The following NXT1 variants were observed in gnomAD, a reference collection of about 807,000 sequenced individuals.
NXT1 encodes the protein NTF2-related export protein 1.
Under a neutral mutation model 9.9 loss-of-function variants are expected in NXT1, and 3 were observed. That is an observed-to-expected ratio of 0.30 (90% CI 0.14 to 0.79). The LOEUF is 0.79. Ranked by LOEUF, NXT1 falls within the 30% of genes least tolerant of loss-of-function variation. The pLI, the probability that NXT1 is intolerant of heterozygous loss-of-function variation, is 0.63. For synonymous variants in NXT1, 53 were observed against 66.5 expected (o/e 0.80, Z 0.99); for missense variants, 91 against 178.2 (o/e 0.51, Z 2.79).
intron 1 of NXT1, chr20:23,351,465 G>A (rs2122994086): frequency 6.6e-6 from 1 of 152,382 alleles, no homozygotes; most frequent in East Asian, 1.9e-4. Context: ...TTTCTGATTT[G>A]ACACAGACAG....
rs749421513 is a variant in NXT1 at position 23,354,311 on chromosome 20, G to A, written c.270G>A (p.Thr90=). Residue 90 remains threonine (T), a synonymous_variant, in exon 2 of 2, where the codon ACG becomes ACA. Coordinates refer to ENST00000254998, the MANE Select transcript of NXT1 (RefSeq NM_013248.3). ...VHDEATPSQT[T]VLVVICGSVK... ...ATGAAGCCACACCAAGCCAGACCACGGTCCTTGTTGTCATCTGTGGATCAG... is the reference window on the plus strand; with the variant it reads ...ATGAAGCCACACCAAGCCAGACCACAGTCCTTGTTGTCATCTGTGGATCAG... The A allele has an allele frequency of 5.6e-6, 9 of 1,614,188 alleles. No individual in the cohort carries two copies. The highest frequency in any genetic ancestry group is 7.6e-6 in the Non-Finnish European group (9 of 1,180,044).
chr20:23,351,130 A>G (rs1033180456), intron 1 of NXT1, 69 bp downstream of exon 1: 1 of 151,346 alleles, frequency 6.6e-6, no homozygotes, highest in Non-Finnish European at 1.5e-5. Flanking sequence ...GCCCTCCTCC[A>G]TTGTCGAGAA....
Position 23,354,568 on chromosome 20 carries a change from T to C in NXT1, c.*104T>C. On this transcript the variant is annotated 3_prime_UTR_variant, in exon 2 of 2. Coordinates refer to ENST00000254998, the MANE Select transcript of NXT1 (RefSeq NM_013248.3). ...AGGAACACAAGTTCATTTCTGTTGT[T>C]GCGGAGACACTGCAGACTCCACTGT... is the stretch of plus-strand genomic sequence containing the variant. 7.5e-7 allele frequency: 1 copy of C among 1,335,206 alleles called. No individual in the cohort carries two copies. The allele number at this position is 1,335,206 out of a possible 1,614,324, so 82.7% of individuals were successfully genotyped here. A position where few individuals can be genotyped will look rare whatever the true frequency, so the allele number is the denominator to read the frequency against.
chr20:23,351,303 T>C (rs1980259044), intron 1 of NXT1: 1 of 152,224 alleles, frequency 6.6e-6, no homozygotes, highest in Non-Finnish European at 1.5e-5. Flanking sequence ...CGTGCGTCTG[T>C]CTAGGTTTGA....
chr20:23,352,514 TAAAA>T (rs372885405), intron 1 of NXT1, among the ~76,000 whole-genome samples: 2 of 145,390 alleles, frequency 1.4e-5, no homozygotes. Context: ...CTAATCATTA[TAAAA>T]AAAAAAGTCT....
chr20:23,352,475 T>C (rs775572510), intron 1 of NXT1, among the ~76,000 whole-genome samples: 15 of 152,174 alleles, frequency 9.9e-5, no homozygotes, highest in South Asian at 2.1e-4. Context: ...TTTCCAGCCC[T>C]ATGTGGAATG....
At chr20:23,351,830 G>A (rs1236367692) in intron 1 of NXT1, among the ~76,000 whole-genome samples, 1 of 152,168 alleles carries the variant, frequency 6.6e-6, no homozygotes, top group Non-Finnish European at 1.5e-5. Flanking sequence ...GTACTTAACC[G>A]TCGTTACTTT....
intron 1 of NXT1, 105 bp from the exon 2 acceptor site, chr20:23,353,876 T>G: frequency 3.0e-6 from 2 of 666,384 alleles, no homozygotes; most frequent in Non-Finnish European, 5.1e-6. Context: ...TGTTCTGCAG[T>G]CTGTAACTAT....
Position 23,353,909 on chromosome 20 carries a change from G to T in NXT1, c.-61-72G>T. On this transcript the variant is annotated intron_variant, in intron 1 of 1. Transcript: ENST00000254998. The stretch of plus-strand genomic sequence containing the variant: ...TATTTTGCCAGTAGTAGAAAAGGAG[G>T]AATGTTCCATTGTCAGGGCAGAATG... 5 of 839,064 alleles carry T rather than the reference G, an allele frequency of 6.0e-6. No individual in the cohort carries two copies. The South Asian group carries it at 8.4e-5, about 14-fold the overall frequency. 52.0% of individuals were successfully genotyped at this position (839,064 alleles called of 1,614,324 possible).
At chr20:23,353,353 C>G (rs1480671372) in intron 1 of NXT1, among the ~76,000 whole-genome samples, 1 of 152,242 alleles carries the variant, frequency 6.6e-6, no homozygotes, top group Non-Finnish European at 1.5e-5. Flanking sequence ...GGCATGGTGG[C>G]TCATGCCTGT....
intron 1 of NXT1, among the ~76,000 whole-genome samples, chr20:23,353,346 A>ATGG (rs2122996553): frequency 6.6e-6 from 1 of 152,364 alleles, no homozygotes; most frequent in East Asian, 1.9e-4. Context: ...AAGGCCGGGC[A>ATGG]TGGTGGCTCA....
chr20:23,352,158 T>C (rs766073797), intron 1 of NXT1, among the ~76,000 whole-genome samples: 1 of 152,170 alleles, frequency 6.6e-6, no homozygotes, highest in Admixed American at 6.5e-5. Flanking sequence ...CTACAGATGA[T>C]GAAGGTATAT....
Position 23,354,119 on chromosome 20 carries a change from C to G in NXT1, c.78C>G (p.Thr26=). ...AAEEFVNVYY[T]TMDKRRRLLS... The stretch of plus-strand genomic sequence containing the variant: ...AGGAGTTTGTCAATGTCTACTACAC[C>G]ACCATGGATAAGCGGCGGCGTTTGC... The change falls in exon 2 of 2, where the codon ACC becomes ACG. Residue 26 remains threonine, a synonymous_variant. Coordinates refer to ENST00000254998, the MANE Select transcript of NXT1 (RefSeq NM_013248.3). The G allele has an allele frequency of 6.2e-7, 1 of 1,614,174 alleles. No individual in the cohort carries two copies.
chr20:23,353,325 A>C (rs1980322866), intron 1 of NXT1, among the ~76,000 whole-genome samples: 2 of 152,240 alleles, frequency 1.3e-5, no homozygotes, highest in South Asian at 2.1e-4. Flanking sequence ...TCCTTGATAT[A>C]AAATGGCGTT....
rs991506040 is a variant in NXT1, at chr20:23,350,801, G to A, written c.-322G>A. ...GGCGCCGGGGCGCTCGCGTCTGCGT[G>A]GAGACCGGCTGGCCGCGCGCGGGAA... On this transcript the variant is annotated 5_prime_UTR_variant, in exon 1 of 2. Coordinates refer to ENST00000254998, the MANE Select transcript of NXT1 (RefSeq NM_013248.3). 7.2e-5 allele frequency: 11 copies of A among 152,278 alleles called. No individual in the cohort carries two copies. The highest frequency in any genetic ancestry group is 2.7e-4 in the African/African-American group (11 of 41,478). 9.4% of individuals were successfully genotyped at this position (152,278 alleles called of 1,614,324 possible). A position where few individuals can be genotyped will look rare whatever the true frequency, so the allele number is the denominator to read the frequency against.
At chr20:23,353,141 G>A (rs187528700) in intron 1 of NXT1, among the ~76,000 whole-genome samples, 4 of 152,236 alleles carry the variant, frequency 2.6e-5, no homozygotes, top group African/African-American at 9.6e-5. Flanking sequence ...CCAAGGGGCT[G>A]TCATGTCTGT....
At position 23,354,125 on chromosome 20, in the gene NXT1, G is replaced by A. The variant is rs1215023384; in HGVS notation, c.84G>A (p.Met28Ile). The A allele has an allele frequency of 6.2e-7, 1 of 1,614,046 alleles. No individual in the cohort carries two copies. The highest frequency in any genetic ancestry group is 1.7e-5 in the Admixed American group (1 of 60,002). Residue 28 changes from methionine (M) to isoleucine (I), a missense_variant, in exon 2 of 2, where the codon ATG (methionine) becomes ATA (isoleucine). Met to Ile is a conservative substitution (Grantham distance 10). Coordinates refer to ENST00000254998, the MANE Select transcript of NXT1 (RefSeq NM_013248.3). ...TTGTCAATGTCTACTACACCACCAT[G>A]GATAAGCGGCGGCGTTTGCTGTCCC... Reference protein sequence around the residue: ...EEFVNVYYTTMDKRRRLLSRL... With the variant: ...EEFVNVYYTTIDKRRRLLSRL...
At position 23,354,098 on chromosome 20, in the gene NXT1, G is replaced by A. The variant is rs34105430; in HGVS notation, c.57G>A (p.Glu19=). The A allele has an allele frequency of 3.3e-3, 5,285 of 1,614,160 alleles. 148 individuals carry two copies. In the African/African-American group the frequency reaches 0.061, roughly 19 times the overall value. The change falls in exon 2 of 2, where the codon GAG becomes GAA. Residue 19 remains glutamate (E), a synonymous_variant. Coordinates refer to ENST00000254998, the MANE Select transcript of NXT1 (RefSeq NM_013248.3). ...YVDQACRAAE[E]FVNVYYTTMD... ...ATCAGGCCTGCAGAGCTGCTGAGGAGTTTGTCAATGTCTACTACACCACCA... is the reference window on the plus strand; with the variant it reads ...ATCAGGCCTGCAGAGCTGCTGAGGAATTTGTCAATGTCTACTACACCACCA...
At chr20:23,352,513 A>G (rs1402937809) in intron 1 of NXT1, among the ~76,000 whole-genome samples, 2 of 147,678 alleles carry the variant, frequency 1.4e-5, no homozygotes, top group Non-Finnish European at 3.0e-5. Context: ...GCTAATCATT[A>G]TAAAAAAAAA....
Sources: allele counts gnomAD v4.1 joint callset (sites outside exome capture counted in the v4.1 genomes callset), GRCh38; gene constraint gnomAD v4.1.1; transcripts MANE v1.5; gene names NCBI Gene and HGNC (gene_info 2026-07-23, HGNC 2026-07-21).